The following SLC12A7 variants were observed in gnomAD, a reference collection of about 807,000 sequenced individuals.
SLC12A7 encodes the protein K-Cl cotransporter 4.
A neutral mutation model predicts 120.6 loss-of-function variants in SLC12A7; 100 were observed. The observed-to-expected ratio is 0.83, with a 90% confidence interval of 0.71 to 0.98. SLC12A7 has a LOEUF of 0.98. SLC12A7 is among the 50% of genes least tolerant of loss of function. The pLI is 0.00. For missense variants in SLC12A7, 1,373 were observed against 1,548.1 expected, an observed-to-expected ratio of 0.89 and a Z score of 1.90; for synonymous variants, 760 against 678.0, an observed-to-expected ratio of 1.12 and a Z score of -1.88.
At chr5:1,052,689 G>C (rs1243740324) in intron 23 of SLC12A7, among the ~76,000 whole-genome samples, 1 of 152,106 alleles carries the variant, frequency 6.6e-6, no homozygotes, top group Admixed American at 6.5e-5. Context: ...CAGGGAGGAC[G>C]AGCAGAGACA....
chr5:1,134,103 A>G, the SLC12A7 span, among the ~76,000 whole-genome samples: 1 of 152,134 alleles, frequency 6.6e-6, no homozygotes, highest in South Asian at 2.1e-4. Flanking sequence ...GCTGATTCTC[A>G]TGTTGTGAGA....
chr5:1,063,364 C>G (rs187227407), intron 20 of SLC12A7, among the ~76,000 whole-genome samples: 495 of 152,320 alleles, frequency 3.2e-3, no homozygotes, highest in South Asian at 6.4e-3. Context: ...GGTGCACCCA[C>G]CATGGCAACA....
At chr5:1,127,649 A>G in the SLC12A7 span, among the ~76,000 whole-genome samples, 1 of 152,374 alleles carries the variant, frequency 6.6e-6, no homozygotes, top group Admixed American at 6.5e-5. Context: ...GAGATAAAAT[A>G]GACACATTCT....
chr5:1,143,204 C>T, the SLC12A7 span, among the ~76,000 whole-genome samples: 2 of 152,250 alleles, frequency 1.3e-5, no homozygotes, highest in Admixed American at 6.5e-5. Flanking sequence ...GACATCCCGC[C>T]ACCTCCCGCA....
intron 1 of SLC12A7, among the ~76,000 whole-genome samples, chr5:1,107,106 C>T (rs989392529): frequency 2.6e-5 from 4 of 152,242 alleles, no homozygotes; most frequent in Non-Finnish European, 5.9e-5. Context: ...TCAAACGCTG[C>T]CTGCCTCTTA....
At chr5:1,151,495 T>A in the SLC12A7 span, among the ~76,000 whole-genome samples, 1 of 152,140 alleles carries the variant, frequency 6.6e-6, no homozygotes, top group Non-Finnish European at 1.5e-5. The surrounding 1 kb of genome is among the most constrained non-coding windows in gnomAD (Gnocchi z 6.2). Flanking sequence ...TATGAGCGTC[T>A]GTAGGGCTCT....
chr5:1,112,141 C>A (rs1445482099), upstream of SLC12A7: 3 of 975,550 alleles, frequency 3.1e-6, no homozygotes, highest in African/African-American at 3.4e-5. Flanking sequence ...CCCCGCGGCC[C>A]CACGAAAAGT....
At chr5:1,067,768 C>T (rs1737210289) in intron 17 of SLC12A7, among the ~76,000 whole-genome samples, 1 of 152,148 alleles carries the variant, frequency 6.6e-6, no homozygotes, top group Non-Finnish European at 1.5e-5. Flanking sequence ...CGCGGCACTG[C>T]CCTGGCCTGG....
the SLC12A7 span, among the ~76,000 whole-genome samples, chr5:1,124,501 C>A: frequency 6.6e-6 from 1 of 152,192 alleles, no homozygotes; most frequent in Non-Finnish European, 1.5e-5. Context: ...AAGACATTTC[C>A]AGACCAACGA....
intron 2 of SLC12A7, 29 bp from the exon 3 acceptor site, chr5:1,093,684 G>GC: frequency 1.2e-6 from 2 of 1,608,246 alleles, no homozygotes; most frequent in Non-Finnish European, 1.7e-6. Context: ...GTCACAGGCG[G>GC]CCCGCACCTC....
intron 22 of SLC12A7, among the ~76,000 whole-genome samples, chr5:1,053,907 CCCA>C (rs1735321368): frequency 6.6e-6 from 1 of 152,244 alleles, no homozygotes. Context: ...GCCCCTAAAC[CCCA>C]CGTCAGACAC....
chr5:1,076,056 G>C lies in SLC12A7; in HGVS notation c.1847+82C>G, dbSNP rs974321886. 4 of 1,204,974 alleles carry C rather than the reference G, an allele frequency of 3.3e-6. No individual in the cohort carries two copies. The Admixed American group carries it at 8.8e-5, about 27-fold the overall frequency. The allele number at this position is 1,204,974 out of a possible 1,614,324, so 74.6% of individuals were successfully genotyped here. On this transcript the variant is annotated intron_variant, in intron 14 of 23. Coordinates refer to ENST00000264930, the MANE Select transcript of SLC12A7 (RefSeq NM_006598.3). ...CCAGCCTGTGGGGCTCCTGACGCCT[G>C]TGCTGAGCGGCCTCACCAGTGGCAG...
chr5:1,121,591 A>C, the SLC12A7 span, among the ~76,000 whole-genome samples: 2 of 152,208 alleles, frequency 1.3e-5, no homozygotes, highest in African/African-American at 4.8e-5. Flanking sequence ...TGGGACCCAG[A>C]GAGGCAGTGT....
intron 1 of SLC12A7, among the ~76,000 whole-genome samples, chr5:1,106,953 C>A (rs568819763): frequency 1.6e-4 from 24 of 152,334 alleles, no homozygotes; most frequent in African/African-American, 5.5e-4. Context: ...CTGCTCTGCT[C>A]GCCGGAGGCA....
chr5:1,122,928 T>A, the SLC12A7 span, among the ~76,000 whole-genome samples: 5 of 152,392 alleles, frequency 3.3e-5, no homozygotes, highest in East Asian at 5.8e-4. Context: ...GCGCCCCACG[T>A]GCGCACGCAC....
Position 1,089,722 on chromosome 5 carries a change from C to T in SLC12A7, c.343-594G>A, listed in dbSNP as rs531327207. On this transcript the variant is annotated intron_variant, in intron 3 of 23. Coordinates refer to ENST00000264930, the MANE Select transcript of SLC12A7 (RefSeq NM_006598.3). ...CCCGCCTGCCCCAGCACGGAGCAGGCAGCCTGCTTCAGACACCTGTGCCAG... is the reference window on the plus strand; with the variant it reads ...CCCGCCTGCCCCAGCACGGAGCAGGTAGCCTGCTTCAGACACCTGTGCCAG... Among the ~76,000 whole-genome samples, 299 of 152,364 alleles carry T rather than the reference C, an allele frequency of 2.0e-3. 2 individuals carry two copies. Among genetic ancestry groups the T allele is most frequent in the Middle Eastern group, 6.8e-3 (2 of 294 alleles).
At chr5:1,093,471 G>T in intron 3 of SLC12A7, 62 bp downstream of exon 3, 1 of 1,498,222 alleles carries the variant, frequency 6.7e-7, no homozygotes, top group Non-Finnish European at 9.0e-7. Context: ...TTGCCGGCGT[G>T]ATCTAACCCT....
At chr5:1,064,600 C>A (rs1451403324) in intron 18 of SLC12A7, among the ~76,000 whole-genome samples, 2 of 152,190 alleles carry the variant, frequency 1.3e-5, no homozygotes, top group Admixed American at 1.3e-4. Flanking sequence ...GACCTGACAG[C>A]GCACAGGCCT....
intron 10 of SLC12A7, 53 bp from the exon 11 acceptor site, chr5:1,078,811 C>CGGGGG (rs1258128576): frequency 3.8e-4 from 50 of 132,280 alleles, no homozygotes; most frequent in Admixed American, 5.4e-4. Flanking sequence ...TCCTCAGGTA[C>CGGGGG]GGGGGGTGGG....
Sources: gnomAD v4.1 joint callset for allele counts (sites outside exome capture counted in the v4.1 genomes callset) on GRCh38, gnomAD v4.1.1 for gene constraint, Gnocchi (gnomAD v3.1) non-coding constraint, MANE v1.5 for transcripts, NCBI Gene and HGNC (gene_info 2026-07-23, HGNC 2026-07-21) for gene names.